Variants in MYO3B observed in about 807,000 individuals in gnomAD.
MYO3B encodes myosin IIIB, also known as myosin-IIIb.
MYO3B carries 156 observed loss-of-function variants against 174.6 expected under a neutral mutation model. That is an observed-to-expected ratio of 0.89 (90% CI 0.78 to 1.02). The LOEUF (loss-of-function observed/expected upper bound fraction) is 1.02. MYO3B is among the 50% of genes least tolerant of loss of function. The pLI is 0.00. For missense variants in MYO3B, 1,632 were observed against 1,639.4 expected, an observed-to-expected ratio of 1.00 and a Z score of 0.08; for synonymous variants, 563 against 569.1, an observed-to-expected ratio of 0.99 and a Z score of 0.15.
chr2:170,601,717 G>T (rs1464245565), intron 32 of MYO3B: 2 of 1,534,744 alleles, frequency 1.3e-6, no homozygotes, highest in Admixed American at 1.7e-5. Flanking sequence ...TCCCTTTTTT[G>T]CTGCATCAGG....
chr2:170,489,634 G>GGTGTGTGTGTGTGTGT (rs369174830), intron 25 of MYO3B, among the ~76,000 whole-genome samples: 4,853 of 139,256 alleles, frequency 0.035, 144 homozygotes, highest in Middle Eastern at 0.046. Context: ...AACCAGTAGG[G>GGTGTGTGTGTGTGTGT]GTGTGTGTGT....
rs1230665319 is a variant in MYO3B at position 170,198,664 on chromosome 2, G to A, written c.3-544G>A. On this transcript the variant is annotated intron_variant, in intron 1 of 34. Coordinates refer to ENST00000408978, the MANE Select transcript of MYO3B (RefSeq NM_138995.5). The stretch of plus-strand genomic sequence containing the variant: ...GGAAGGTGAATTTCTGACAATATGA[G>A]TGTGGGTGCTTTAAATTTACTTCTT... Among the ~76,000 whole-genome samples, 6 of 152,174 alleles carry A rather than the reference G, an allele frequency of 3.9e-5. No individual in the cohort carries two copies. The East Asian group carries it at 1.2e-3, about 29-fold the overall frequency.
At chr2:170,578,584 A>G (rs116063198) in intron 32 of MYO3B, among the ~76,000 whole-genome samples, 12 of 152,318 alleles carry the variant, frequency 7.9e-5, no homozygotes, top group African/African-American at 2.9e-4. Flanking sequence ...TTACTACTAA[A>G]ATTTACATTT....
intron 23 of MYO3B, among the ~76,000 whole-genome samples, chr2:170,446,646 T>A (rs1319754378): frequency 6.6e-6 from 1 of 152,200 alleles, no homozygotes; most frequent in East Asian, 1.9e-4. Context: ...CAACTCCAGT[T>A]ACTATCTGAC....
intron 7 of MYO3B, among the ~76,000 whole-genome samples, chr2:170,261,526 TG>T (rs2105350666): frequency 6.6e-6 from 1 of 152,316 alleles, no homozygotes; most frequent in South Asian, 2.1e-4. Context: ...CATTCTAGCC[TG>T]GGCAACAGAG....
intron 32 of MYO3B, among the ~76,000 whole-genome samples, chr2:170,550,478 G>A (rs1690804048): frequency 6.6e-6 from 1 of 152,210 alleles, no homozygotes; most frequent in Non-Finnish European, 1.5e-5. Flanking sequence ...GATGCTGCTG[G>A]TCTGGGGACT....
At chr2:170,310,194 A>G (rs2093728383) in intron 7 of MYO3B, among the ~76,000 whole-genome samples, 1 of 152,206 alleles carries the variant, frequency 6.6e-6, no homozygotes, top group Non-Finnish European at 1.5e-5. Context: ...GCTCTCGACG[A>G]AAAGCGTCAA....
intron 8 of MYO3B, among the ~76,000 whole-genome samples, chr2:170,338,502 C>A (rs1469289065): frequency 2.0e-5 from 3 of 152,114 alleles, no homozygotes; most frequent in Non-Finnish European, 4.4e-5. Context: ...AATTCTTCTG[C>A]AATATTTTTG....
At chr2:170,497,005 A>C (rs1369751945) in intron 25 of MYO3B, among the ~76,000 whole-genome samples, 3 of 152,168 alleles carry the variant, frequency 2.0e-5, no homozygotes, top group African/African-American at 7.2e-5. Context: ...CCTTTTGGTA[A>C]CGATGGAGTT....
chr2:170,327,274 A>G (rs2093875683), intron 7 of MYO3B, among the ~76,000 whole-genome samples: 1 of 152,176 alleles, frequency 6.6e-6, no homozygotes, highest in African/African-American at 2.4e-5. Context: ...ATTCCCAACT[A>G]CTCGGGAGGC....
In MYO3B at chr2:170,201,873, G is replaced by C. The variant is rs150789391; in HGVS notation, c.321+1589G>C. The stretch of plus-strand genomic sequence containing the variant: ...ACCTCGTTGTAACTTAGTAATGGAA[G>C]TACAGTGACCAAGAAACCTCAGTTT... On this transcript the variant is annotated intron_variant, in intron 3 of 34. Coordinates refer to ENST00000408978, the MANE Select transcript of MYO3B (RefSeq NM_138995.5). Among the ~76,000 whole-genome samples the C allele has an allele frequency of 9.8e-3, 1,497 of 152,254 alleles. 14 individuals carry two copies. The highest frequency in any genetic ancestry group is 0.041 in the Middle Eastern group (12 of 294).
At chr2:170,488,022 T>C (rs985492402) in intron 25 of MYO3B, among the ~76,000 whole-genome samples, 1 of 152,246 alleles carries the variant, frequency 6.6e-6, no homozygotes, top group Non-Finnish European at 1.5e-5. Context: ...TCCAGCCTCT[T>C]TAATCAAGGA....
chr2:170,645,468 C>CA (rs55720994), intron 32 of MYO3B, among the ~76,000 whole-genome samples: 5,779 of 64,978 alleles, frequency 0.089, 214 homozygotes, highest in Non-Finnish European at 0.11. Context: ...GGCTCCGTCT[C>CA]AAAAAAAAAA....
rs1226001485 is a variant in MYO3B at position 170,649,157 on chromosome 2, A to T, written c.3734-2471A>T. ...AATAATATATAATATATTATATATA[A>T]AATAATATATAATATATTATATATA... On this transcript the variant is annotated intron_variant, in intron 32 of 34. Coordinates refer to ENST00000408978, the MANE Select transcript of MYO3B (RefSeq NM_138995.5). 5.1e-4 allele frequency among the ~76,000 whole-genome samples: 33 copies of T among 64,432 alleles called. 4 individuals carry two copies. Among genetic ancestry groups the T allele is most frequent in the Non-Finnish European group, 7.6e-4 (29 of 38,146 alleles). 42.3% of individuals were successfully genotyped at this position (64,432 alleles called of 152,430 possible).
At chr2:170,595,615 G>A (rs6719574) in intron 32 of MYO3B, among the ~76,000 whole-genome samples, 1 of 151,664 alleles carries the variant, frequency 6.6e-6, no homozygotes, top group Non-Finnish European at 1.5e-5. Flanking sequence ...ATTTTTGTAC[G>A]TTTTGTAGAG....
intron 6 of MYO3B, 97 bp downstream of exon 6, chr2:170,217,492 G>A: frequency 9.7e-7 from 1 of 1,033,060 alleles, no homozygotes; most frequent in Non-Finnish European, 1.5e-6. Context: ...GAATTTTTAG[G>A]GAGAAGAAAG....
At chr2:170,601,392 T>C (rs1219711773) in intron 32 of MYO3B, among the ~76,000 whole-genome samples, 1 of 152,218 alleles carries the variant, frequency 6.6e-6, no homozygotes, top group Non-Finnish European at 1.5e-5. Context: ...CCCCATACTG[T>C]ACCAGGCAAG....
At chr2:170,326,182 A>G (rs1255240530) in intron 7 of MYO3B, among the ~76,000 whole-genome samples, 1 of 150,616 alleles carries the variant, frequency 6.6e-6, no homozygotes, top group East Asian at 2.0e-4. Context: ...GTGATTCTAC[A>G]TCTCTCATTA....
At chr2:170,300,908 G>C (rs1306557506) in intron 7 of MYO3B, among the ~76,000 whole-genome samples, 3 of 152,162 alleles carry the variant, frequency 2.0e-5, no homozygotes, top group Non-Finnish European at 4.4e-5. Flanking sequence ...ACAGATTTCT[G>C]TATGAAGACT....
Sources: gnomAD v4.1 joint callset for allele counts (sites outside exome capture counted in the v4.1 genomes callset) on GRCh38, gnomAD v4.1.1 for gene constraint, MANE v1.5 for transcripts, NCBI Gene and HGNC (gene_info 2026-07-23, HGNC 2026-07-21) for gene names.